GKAP1: variants seen among roughly 807,000 people sequenced by gnomAD.
GKAP1 encodes G kinase-anchoring protein 1.
In GKAP1, 31 loss-of-function variants were observed where a neutral mutation model predicts 56.7. That is an observed-to-expected ratio of 0.55 (90% CI 0.41 to 0.74). GKAP1 has a LOEUF of 0.74. GKAP1 is among the 30% of genes least tolerant of loss of function. The pLI is 0.00. For missense variants in GKAP1, 364 were observed against 402.3 expected (o/e 0.90, Z 0.82); for synonymous variants, 151 against 138.6 (o/e 1.09, Z -0.63).
intron 4 of GKAP1, among the ~76,000 whole-genome samples, chr9:83,791,088 G>T (rs568745287): frequency 1.3e-5 from 2 of 151,972 alleles, no homozygotes; most frequent in East Asian, 1.9e-4. Context: ...CATTCTAATC[G>T]CATGATAAAA....
At chr9:83,802,350 G>A (rs1015663250) in intron 3 of GKAP1, among the ~76,000 whole-genome samples, 10 of 148,628 alleles carry the variant, frequency 6.7e-5, no homozygotes, top group Non-Finnish European at 1.2e-4. Flanking sequence ...GTGGTGGCAC[G>A]TGCCTGTAGT....
intron 7 of GKAP1, among the ~76,000 whole-genome samples, chr9:83,778,403 G>A (rs936947442): frequency 6.6e-6 from 1 of 152,110 alleles, no homozygotes; most frequent in Non-Finnish European, 1.5e-5. Flanking sequence ...CAGGGACATG[G>A]ATAGAGCTGG....
intron 4 of GKAP1, among the ~76,000 whole-genome samples, chr9:83,794,730 T>C (rs1368163482): frequency 6.6e-6 from 1 of 152,228 alleles, no homozygotes; most frequent in African/African-American, 2.4e-5. Flanking sequence ...AAAGGTACAC[T>C]GGAATCAATA....
At chr9:83,767,256 T>C (rs999402892) in intron 8 of GKAP1, among the ~76,000 whole-genome samples, 12 of 152,118 alleles carry the variant, frequency 7.9e-5, no homozygotes, top group African/African-American at 2.7e-4. Context: ...TCAGATAATA[T>C]ATCTTGGGTA....
intron 9 of GKAP1, among the ~76,000 whole-genome samples, chr9:83,750,868 ACT>A (rs573406203): frequency 1.2e-3 from 181 of 152,124 alleles, no homozygotes; most frequent in African/African-American, 4.1e-3. Context: ...ATGGAGTCTC[ACT>A]CTGTCACCCA....
intron 8 of GKAP1, among the ~76,000 whole-genome samples, chr9:83,762,692 A>AAC (rs1306265051): frequency 6.6e-6 from 1 of 152,126 alleles, no homozygotes; most frequent in African/African-American, 2.4e-5. Flanking sequence ...TACTGGCATA[A>AAC]ACACACACAC....
chr9:83,773,663 T>C (rs1168176138), intron 7 of GKAP1, among the ~76,000 whole-genome samples: 1 of 152,186 alleles, frequency 6.6e-6, no homozygotes, highest in Non-Finnish European at 1.5e-5. Flanking sequence ...TACCTCAACT[T>C]AGTGTTGATC....
chr9:83,800,342 GT>G (rs141368354), intron 3 of GKAP1, among the ~76,000 whole-genome samples: 79 of 122,396 alleles, frequency 6.5e-4, no homozygotes, highest in South Asian at 1.5e-3. Flanking sequence ...TTTTTTTTTT[GT>G]TTTTTTTTTT....
intron 3 of GKAP1, among the ~76,000 whole-genome samples, chr9:83,800,687 T>C (rs1249191443): frequency 6.6e-6 from 1 of 152,174 alleles, no homozygotes; most frequent in Non-Finnish European, 1.5e-5. Context: ...TCTCCATACA[T>C]AGTGAACTGT....
intron 10 of GKAP1, among the ~76,000 whole-genome samples, chr9:83,745,411 A>C (rs1166918863): frequency 1.3e-5 from 2 of 152,300 alleles, no homozygotes; most frequent in East Asian, 3.9e-4. Flanking sequence ...ATTTACATTT[A>C]CATTATAAGT....
rs753090156 is a variant in GKAP1, at chr9:83,768,903, T to A, written c.653A>T (p.His218Leu). 6.2e-7 allele frequency: 1 copy of A among 1,611,254 alleles called. No homozygotes were observed. The highest frequency in any genetic ancestry group is 8.5e-7 in the Non-Finnish European group (1 of 1,178,278). Residue 218 changes from histidine to leucine, a missense_variant, in exon 8 of 13, where the codon CAT becomes CTT. Coordinates refer to ENST00000376371, the MANE Select transcript of GKAP1 (RefSeq NM_025211.4). ...GFFNRLEDDV[H>L]KILIREKRRE... ...TCGTTTTTCTCTAATAAGAATTTTA[T>A]GAACATCATCTTCCAGTCTATTGAA...
intron 2 of GKAP1, among the ~76,000 whole-genome samples, chr9:83,810,322 T>C (rs1033772471): frequency 2.0e-5 from 3 of 152,240 alleles, no homozygotes; most frequent in African/African-American, 7.2e-5. Flanking sequence ...AGGAACTGAA[T>C]ATTCTTATTT....
chr9:83,756,804 A>T (rs976703591), intron 8 of GKAP1, among the ~76,000 whole-genome samples: 2 of 152,138 alleles, frequency 1.3e-5, no homozygotes, highest in Non-Finnish European at 2.9e-5. Flanking sequence ...CAAACCTCAA[A>T]TACTTATTTT....
In GKAP1 at chr9:83,816,999, A is replaced by T. The variant is rs2131337892; in HGVS notation, c.-47T>A. On this transcript the variant is annotated 5_prime_UTR_variant, in exon 2 of 13. It removes an upstream start codon present in the reference 5' UTR. Transcript: ENST00000376371. ...TTCAAAAAGTAATTCACTATACCTCATTCATGAATGAAAGCCAAATTTCAC... is the reference window on the plus strand; with the variant it reads ...TTCAAAAAGTAATTCACTATACCTCTTTCATGAATGAAAGCCAAATTTCAC... The T allele has an allele frequency of 6.6e-6, 1 of 152,318 alleles. No individual in the cohort carries two copies. Among genetic ancestry groups the T allele is most frequent in the South Asian group, 2.1e-4 (1 of 4,820 alleles). 9.4% of individuals were successfully genotyped at this position (152,318 alleles called of 1,614,324 possible).
At chr9:83,791,319 T>C (rs1189059251) in intron 4 of GKAP1, among the ~76,000 whole-genome samples, 4 of 150,778 alleles carry the variant, frequency 2.7e-5, no homozygotes, top group Admixed American at 1.3e-4. Context: ...ACGAGAATGG[T>C]GTGAACCCAG....
intron 8 of GKAP1, among the ~76,000 whole-genome samples, chr9:83,755,077 T>C (rs1228008582): frequency 6.6e-6 from 1 of 152,190 alleles, no homozygotes; most frequent in South Asian, 2.1e-4. Flanking sequence ...GTTTCTAGTT[T>C]AAGCAATGAG....
intron 9 of GKAP1, among the ~76,000 whole-genome samples, chr9:83,749,822 C>T (rs148302238): frequency 4.1e-3 from 620 of 152,148 alleles, no homozygotes; most frequent in Non-Finnish European, 6.7e-3. Flanking sequence ...ATACAATAAA[C>T]TGAAGTAAAG....
intron 8 of GKAP1, among the ~76,000 whole-genome samples, chr9:83,754,653 A>T (rs1057315013): frequency 1.3e-5 from 2 of 152,354 alleles, no homozygotes; most frequent in Middle Eastern, 6.8e-3. Context: ...AAAATAAACC[A>T]GTATGGTAAG....
chr9:83,786,264 C>T (rs1414139375), intron 5 of GKAP1, among the ~76,000 whole-genome samples: 1 of 152,142 alleles, frequency 6.6e-6, no homozygotes, highest in African/African-American at 2.4e-5. Flanking sequence ...CTATCCCAGC[C>T]AGGCGCGGTG....
Sources: gnomAD v4.1 joint callset for allele counts (sites outside exome capture counted in the v4.1 genomes callset) on GRCh38, gnomAD v4.1.1 for gene constraint, MANE v1.5 for transcripts, NCBI Gene and HGNC (gene_info 2026-07-23, HGNC 2026-07-21) for gene names.